The following SLC16A1 variants were observed in gnomAD, a reference collection of about 807,000 sequenced individuals.
SLC16A1 encodes solute carrier family 16 member 1.
In SLC16A1, 11 loss-of-function variants were observed where a neutral mutation model predicts 32.2. The observed-to-expected ratio is 0.34, with a 90% CI of 0.21 to 0.56. The LOEUF (loss-of-function observed/expected upper bound fraction) is 0.56. Among genes scored for constraint, SLC16A1 ranks in the 20% least tolerant of loss-of-function variants. The probability of loss-of-function intolerance (pLI) is 0.87; values close to 1 mark genes in which losing one functional copy is unlikely to be tolerated. For synonymous variants in SLC16A1, 231 were observed against 226.8 expected (o/e 1.02, Z -0.17); for missense variants, 435 against 615.0 (o/e 0.71, Z 3.10).
chr1:112,933,823 T>C (rs1649216853), intron 1 of SLC16A1, among the ~76,000 whole-genome samples: 1 of 152,192 alleles, frequency 6.6e-6, no homozygotes, highest in Non-Finnish European at 1.5e-5. Context: ...GGCAGTTCCT[T>C]ATAAAGTTAT....
intron 1 of SLC16A1, among the ~76,000 whole-genome samples, chr1:112,944,467 AAGT>A (rs1203229552): frequency 6.6e-6 from 1 of 152,154 alleles, no homozygotes; most frequent in African/African-American, 2.4e-5. Flanking sequence ...AAGCCCCACA[AAGT>A]AGTAGTTTTA....
chr1:112,934,280 C>A (rs1278577299), intron 1 of SLC16A1, among the ~76,000 whole-genome samples: 1 of 152,100 alleles, frequency 6.6e-6, no homozygotes. Context: ...TAGGGATGTT[C>A]AACTGCTTAA....
At chr1:112,924,052 G>A (rs933513822) in intron 2 of SLC16A1, 55 of 1,293,768 alleles carry the variant, frequency 4.3e-5, no homozygotes, top group African/African-American at 3.9e-4. Flanking sequence ...TACAGGAATC[G>A]CTTCTGGAAG....
chr1:112,917,921 G>A lies in SLC16A1; in HGVS notation c.485C>T (p.Ala162Val). The A allele has an allele frequency of 6.2e-7, 1 of 1,604,552 alleles. No individual in the cohort carries two copies. The highest frequency in any genetic ancestry group is 8.5e-7 in the Non-Finnish European group (1 of 1,176,258). Residue 162 changes from alanine (A) to valine (V), a missense_variant, in exon 4 of 5, where the codon GCC (alanine) becomes GTC (valine). By Grantham distance (64) the Ala-to-Val change is moderately conservative. Around this residue, in one of 2 missense-constraint regions of SLC16A1, gnomAD observed 324 missense variants for 500.3 expected, o/e 0.65. Coordinates refer to ENST00000369626, the MANE Select transcript of SLC16A1 (RefSeq NM_003051.4). This position sits in a 1 kb window ranked among gnomAD's most constrained non-coding sequence, Gnocchi z 4.1. ...ACCGAAGAAAACCTGATTGAGGGGG[G>A]CCAGAGTACAGAGGAACACAGGGCT... is the stretch of plus-strand genomic sequence containing the variant. ...AGSPVFLCTL[A>V]PLNQVFFGIF...
rs1648398788 is a variant in SLC16A1 at position 112,913,651 on chromosome 1, T to TAAAAC, written c.*235_*239dup. The TAAAAC allele has an allele frequency of 3.6e-6, 2 of 560,702 alleles. No homozygotes were observed. Among genetic ancestry groups the TAAAAC allele is most frequent in the African/African-American group, 1.9e-5 (1 of 53,082 alleles). The allele number at this position is 560,702 out of a possible 1,614,324, so 34.7% of individuals were successfully genotyped here. A position where few individuals can be genotyped will look rare whatever the true frequency, so the allele number is the denominator to read the frequency against. On this transcript the variant is annotated 3_prime_UTR_variant, in exon 5 of 5. Transcript: ENST00000369626. ...TTATGACACTATTAAAAGCTAAGATTAAAACAAAACAAAACAGAACCTACT... is the reference window on the plus strand; with the variant it reads ...TTATGACACTATTAAAAGCTAAGATTAAAACAAAACAAAACAAAACAGAACCTACT...
At chr1:112,934,011 A>T (rs1649221509) in intron 1 of SLC16A1, among the ~76,000 whole-genome samples, 1 of 152,246 alleles carries the variant, frequency 6.6e-6, no homozygotes, top group African/African-American at 2.4e-5. Flanking sequence ...ACTCAGCAAT[A>T]AAAAGGAACT....
chr1:112,924,848 G>A (rs1009607857), intron 2 of SLC16A1, among the ~76,000 whole-genome samples: 16 of 151,894 alleles, frequency 1.1e-4, no homozygotes, highest in Admixed American at 6.6e-5. Context: ...ATCGTGCCTG[G>A]GCAACAGAGT....
At chr1:112,947,232 C>G (rs192517011) in intron 1 of SLC16A1, among the ~76,000 whole-genome samples, 2 of 152,162 alleles carry the variant, frequency 1.3e-5, no homozygotes, top group Non-Finnish European at 2.9e-5. Context: ...CTAAGTGGGC[C>G]ATTTAAATTT....
chr1:112,923,731 G>A (rs1277773156), intron 2 of SLC16A1: 15 of 1,533,872 alleles, frequency 9.8e-6, no homozygotes, highest in Non-Finnish European at 2.7e-6. Flanking sequence ...CTGAGTGCCT[G>A]CCACCAGCTG....
chr1:112,918,164 T>C (rs1455293932), intron 3 of SLC16A1, 120 bp from the exon 4 acceptor site: 2 of 768,648 alleles, frequency 2.6e-6, no homozygotes, highest in Non-Finnish European at 3.3e-6. Context: ...GGACATGTTA[T>C]GTAGTGGTTT....
At position 112,917,749 on chromosome 1, in the gene SLC16A1, T is replaced by C. The variant is rs1648567459; in HGVS notation, c.657A>G (p.Lys219=). Residue 219 remains lysine, a synonymous_variant, in exon 4 of 5, where the codon AAA becomes AAG. Transcript: ENST00000369626. The surrounding 1 kb of genome is among the most constrained non-coding windows in gnomAD (Gnocchi z 4.1). ...CATGCAGATCTTTTTTCACACCAGA[T>C]TTTCCAGCTTTCTCAAGGGATGCTT... ...KSKASLEKAG[K]SGVKKDLHDA... 1 of 1,614,054 alleles carries C rather than the reference T, an allele frequency of 6.2e-7. No individual in the cohort carries two copies. The highest frequency in any genetic ancestry group is 1.3e-5 in the African/African-American group (1 of 74,906).
intron 1 of SLC16A1, among the ~76,000 whole-genome samples, chr1:112,943,390 C>G (rs1176433090): frequency 6.6e-6 from 1 of 151,896 alleles, no homozygotes; most frequent in Non-Finnish European, 1.5e-5. Context: ...TGTTAGCTAA[C>G]AAAGAAAGAT....
chr1:112,952,793 GT>G (rs532529796), intron 1 of SLC16A1, among the ~76,000 whole-genome samples: 148 of 152,286 alleles, frequency 9.7e-4, no homozygotes, highest in African/African-American at 3.3e-3. Flanking sequence ...GAAAACAACA[GT>G]TTGAATTTTG....
intron 1 of SLC16A1, among the ~76,000 whole-genome samples, chr1:112,944,278 CT>C (rs1270655321): frequency 6.6e-6 from 1 of 152,144 alleles, no homozygotes; most frequent in African/African-American, 2.4e-5. Context: ...TGGCGAAACC[CT>C]GTCTCTACAA....
intron 3 of SLC16A1, among the ~76,000 whole-genome samples, chr1:112,918,430 A>C (rs1489531919): frequency 6.6e-6 from 1 of 152,218 alleles, no homozygotes; most frequent in Admixed American, 6.5e-5. Context: ...TGTCTAATCT[A>C]ACAAAATCAC....
chr1:112,947,654 A>G (rs1026373427), intron 1 of SLC16A1, among the ~76,000 whole-genome samples: 2 of 152,192 alleles, frequency 1.3e-5, no homozygotes, highest in African/African-American at 2.4e-5. Flanking sequence ...CCATATTTTA[A>G]ATATGTATTT....
In SLC16A1 at chr1:112,917,754, C is replaced by G. The variant is rs1648567598; in HGVS notation, c.652G>C (p.Gly218Arg). 6.2e-7 allele frequency: 1 copy of G among 1,614,066 alleles called. No homozygotes were observed. Among genetic ancestry groups the G allele is most frequent in the African/African-American group, 1.3e-5 (1 of 74,918 alleles). Residue 218 changes from glycine (G) to arginine (R), a missense_variant, in exon 4 of 5, where the codon GGA (glycine) becomes CGA (arginine). Transcript: ENST00000369626. This position sits in a 1 kb window ranked among gnomAD's most constrained non-coding sequence, Gnocchi z 4.1. ...AGATCTTTTTTCACACCAGATTTTC[C>G]AGCTTTCTCAAGGGATGCTTTAGAC... ...DKSKASLEKA[G>R]KSGVKKDLHD...
chr1:112,943,899 C>A (rs530488759), intron 1 of SLC16A1, among the ~76,000 whole-genome samples: 1 of 151,808 alleles, frequency 6.6e-6, no homozygotes, highest in South Asian at 2.1e-4. Flanking sequence ...AACTTTTTGG[C>A]CATTCATTCA....
At position 112,917,401 on chromosome 1, in the gene SLC16A1, A is replaced by G; in HGVS notation, c.1005T>C (p.Ala335=). 1 of 1,614,262 alleles carries G rather than the reference A, an allele frequency of 6.2e-7. No homozygotes were observed. Among genetic ancestry groups the G allele is most frequent in the Non-Finnish European group, 8.5e-7 (1 of 1,180,046 alleles). The change falls in exon 4 of 5, where the codon GCT becomes GCC. Residue 335 remains alanine, a synonymous_variant. Coordinates refer to ENST00000369626, the MANE Select transcript of SLC16A1 (RefSeq NM_003051.4). This position sits in a 1 kb window ranked among gnomAD's most constrained non-coding sequence, Gnocchi z 4.1. ...IRPRIQYFFA[A]SVVANGVCHM... ...GACACACTCCATTTGCAACAACGGAAGCCGCAAAGAAATACTGAATTCGAG... is the reference window on the plus strand; with the variant it reads ...GACACACTCCATTTGCAACAACGGAGGCCGCAAAGAAATACTGAATTCGAG...
Sources: allele counts gnomAD v4.1 joint callset (sites outside exome capture counted in the v4.1 genomes callset), GRCh38; gene constraint gnomAD v4.1.1; regional missense constraint gnomAD v4.1.1; non-coding constraint Gnocchi (gnomAD v3.1); transcripts MANE v1.5; gene names NCBI Gene and HGNC (gene_info 2026-07-23, HGNC 2026-07-21).